CNTN5: variants seen among roughly 807,000 people sequenced by gnomAD.
CNTN5 encodes the protein contactin 5, also known as contactin-5.
Under a neutral mutation model 129.1 loss-of-function variants are expected in CNTN5, and 77 were observed. That is an observed-to-expected ratio of 0.60 (90% CI 0.50 to 0.72). The LOEUF is 0.72. Among genes scored for constraint, CNTN5 ranks in the 30% least tolerant of loss-of-function variants. The pLI is 0.00. For synonymous variants in CNTN5, 509 were observed against 465.6 expected, an observed-to-expected ratio of 1.09 and a Z score of -1.20; for missense variants, 1,478 against 1,328.8, an observed-to-expected ratio of 1.11 and a Z score of -1.75.
At chr11:99,227,034 G>A (rs75964908) in intron 1 of CNTN5, among the ~76,000 whole-genome samples, 3,652 of 152,176 alleles carry the variant, frequency 0.024, 148 homozygotes, top group African/African-American at 0.084. Flanking sequence ...TTCAAGAGAT[G>A]TTAGTTCTCT....
intron 3 of CNTN5, among the ~76,000 whole-genome samples, chr11:99,577,244 T>C (rs532555094): frequency 1.1e-4 from 16 of 152,196 alleles, no homozygotes; most frequent in East Asian, 3.9e-4. Context: ...ACTTTTCACA[T>C]AGAGTTGTAG....
intron 8 of CNTN5, among the ~76,000 whole-genome samples, chr11:99,968,583 A>G (rs75473363): frequency 0.03 from 4,484 of 149,152 alleles, 217 homozygotes; most frequent in East Asian, 0.22. Flanking sequence ...AATGGAATGT[A>G]GCAAAGCCAC....
chr11:99,091,067 C>A (rs1866230538), intron 1 of CNTN5, among the ~76,000 whole-genome samples: 1 of 145,732 alleles, frequency 6.9e-6, no homozygotes, highest in African/African-American at 2.6e-5. Flanking sequence ...TGAAAGATTC[C>A]TGACTTTGCA....
At chr11:99,779,992 T>A (rs1261415462) in intron 3 of CNTN5, among the ~76,000 whole-genome samples, 1 of 152,006 alleles carries the variant, frequency 6.6e-6, no homozygotes, top group African/African-American at 2.4e-5. Context: ...TTGTCCATAG[T>A]TTCTTGATAC....
intron 13 of CNTN5, 22 bp from the exon 14 acceptor site, chr11:100,191,104 A>T: frequency 6.4e-7 from 1 of 1,560,678 alleles, no homozygotes; most frequent in Non-Finnish European, 8.7e-7. Context: ...AGAAAAAAAA[A>T]CTGTTTTTAA....
At chr11:99,678,224 A>C (rs1953385002) in intron 3 of CNTN5, among the ~76,000 whole-genome samples, 1 of 152,124 alleles carries the variant, frequency 6.6e-6, no homozygotes, top group African/African-American at 2.4e-5. Flanking sequence ...TTTCTACAAA[A>C]GAACTTAACT....
At position 100,104,132 on chromosome 11, in the gene CNTN5, T is replaced by C. The variant is rs537336308; in HGVS notation, c.1580+29838T>C. 4.7e-5 allele frequency among the ~76,000 whole-genome samples: 7 copies of C among 149,712 alleles called. No individual in the cohort carries two copies. The East Asian group carries it at 1.0e-3, about 21-fold the overall frequency. ...TTTTTTGAGGCAGAGTCTTTCTCTG[T>C]CACCCAAGCTGGAATGCAGTAGTGA... is the stretch of plus-strand genomic sequence containing the variant. On this transcript the variant is annotated intron_variant, in intron 13 of 24. Coordinates refer to ENST00000524871, the MANE Select transcript of CNTN5 (RefSeq NM_014361.4).
intron 2 of CNTN5, among the ~76,000 whole-genome samples, chr11:99,397,882 T>C (rs1287063379): frequency 6.6e-6 from 1 of 151,900 alleles, no homozygotes; most frequent in Non-Finnish European, 1.5e-5. Flanking sequence ...ATATTGTTGC[T>C]TTTATGGTCT....
chr11:100,198,217 C>T (rs1338354050), intron 15 of CNTN5, among the ~76,000 whole-genome samples: 1 of 151,912 alleles, frequency 6.6e-6, no homozygotes, highest in African/African-American at 2.4e-5. Flanking sequence ...TAATGCAAGA[C>T]ATTAAGCAAT....
chr11:99,671,717 TC>T (rs1953052614), intron 3 of CNTN5, among the ~76,000 whole-genome samples: 1 of 152,150 alleles, frequency 6.6e-6, no homozygotes, highest in Admixed American at 6.6e-5. Context: ...CCCACAAAAT[TC>T]TTCAGAATTA....
chr11:99,444,186 A>G (rs995622875), intron 2 of CNTN5, among the ~76,000 whole-genome samples: 1 of 152,124 alleles, frequency 6.6e-6, no homozygotes, highest in Non-Finnish European at 1.5e-5. Flanking sequence ...CTGACAGAGC[A>G]AAACTCTGTC....
At chr11:99,248,388 A>G in intron 1 of CNTN5, among the ~76,000 whole-genome samples, 1 of 152,158 alleles carries the variant, frequency 6.6e-6, no homozygotes, top group Non-Finnish European at 1.5e-5. Flanking sequence ...CTAGATTGCA[A>G]AACTTTTCTC....
intron 9 of CNTN5, among the ~76,000 whole-genome samples, chr11:100,042,411 G>A (rs1207417434): frequency 6.6e-6 from 1 of 151,988 alleles, no homozygotes; most frequent in Non-Finnish European, 1.5e-5. Flanking sequence ...AGCCATAACT[G>A]TATATATTTT....
intron 13 of CNTN5, among the ~76,000 whole-genome samples, chr11:100,156,935 AC>A (rs1368030265): frequency 1.3e-5 from 2 of 151,712 alleles, no homozygotes; most frequent in Non-Finnish European, 2.9e-5. Context: ...TTTTTAAAAA[AC>A]CAGCTCCTGG....
intron 6 of CNTN5, among the ~76,000 whole-genome samples, chr11:99,908,953 C>T (rs61911650): frequency 2.0e-5 from 3 of 152,024 alleles, no homozygotes; most frequent in African/African-American, 7.2e-5. Flanking sequence ...CAAGAGATTA[C>T]TCATCTGACC....
At chr11:100,287,276 G>C (rs1047669939) in intron 18 of CNTN5, among the ~76,000 whole-genome samples, 21 of 152,046 alleles carry the variant, frequency 1.4e-4, no homozygotes, top group African/African-American at 4.3e-4. Flanking sequence ...GATACTCCTC[G>C]AGAAGAGCAA....
chr11:99,447,352 C>T (rs1374276752), intron 2 of CNTN5, among the ~76,000 whole-genome samples: 9 of 152,082 alleles, frequency 5.9e-5, no homozygotes, highest in Non-Finnish European at 5.9e-5. Flanking sequence ...GCACTTCTTG[C>T]CAGTTTGTCT....
At chr11:99,416,227 G>C (rs950533242) in intron 2 of CNTN5, among the ~76,000 whole-genome samples, 1 of 152,084 alleles carries the variant, frequency 6.6e-6, no homozygotes, top group African/African-American at 2.4e-5. Context: ...CAAGTATGCA[G>C]GGTATTTTTT....
At chr11:99,909,822 G>A (rs1009928067) in intron 6 of CNTN5, among the ~76,000 whole-genome samples, 1 of 151,784 alleles carries the variant, frequency 6.6e-6, no homozygotes, top group East Asian at 1.9e-4. Context: ...GGGGTGGGGG[G>A]AGAGGGGAGG....
Sources: gnomAD v4.1 joint callset for allele counts (sites outside exome capture counted in the v4.1 genomes callset) on GRCh38, gnomAD v4.1.1 for gene constraint, MANE v1.5 for transcripts, NCBI Gene and HGNC (gene_info 2026-07-23, HGNC 2026-07-21) for gene names.